NRXN3: variants seen among roughly 807,000 people sequenced by gnomAD.
The protein encoded by NRXN3 is neurexin 3.
A neutral mutation model predicts 137.6 loss-of-function variants in NRXN3; 32 were observed. The ratio of observed to expected loss-of-function variants is 0.23; its 90% CI spans 0.18 to 0.31. NRXN3 has a LOEUF of 0.31. Among genes scored for constraint, NRXN3 ranks in the 10% least tolerant of loss-of-function variants. NRXN3 has a pLI of 1.00. For missense variants in NRXN3, 1,574 were observed against 2,062.5 expected, an observed-to-expected ratio of 0.76 and a Z score of 4.59; for synonymous variants, 798 against 784.5, an observed-to-expected ratio of 1.02 and a Z score of -0.29.
intron 10 of NRXN3, among the ~76,000 whole-genome samples, chr14:78,879,270 T>C (rs2099121741): frequency 6.6e-6 from 1 of 152,204 alleles, no homozygotes; most frequent in South Asian, 2.1e-4. Flanking sequence ...TTTTAATTTT[T>C]TGAGGAACTT....
chr14:78,460,693 G>A (rs76002014), intron 4 of NRXN3, among the ~76,000 whole-genome samples: 193 of 152,324 alleles, frequency 1.3e-3, no homozygotes, highest in Non-Finnish European at 2.4e-3. Context: ...GTACACAGAT[G>A]AAGTATAATG....
intron 15 of NRXN3, among the ~76,000 whole-genome samples, chr14:79,353,369 G>A (rs1021857624): frequency 6.6e-6 from 1 of 151,786 alleles, no homozygotes; most frequent in Non-Finnish European, 1.5e-5. Flanking sequence ...ATGTATTAAG[G>A]GGAAGATATA....
chr14:79,746,635 T>C (rs2098980531), intron 19 of NRXN3, among the ~76,000 whole-genome samples: 1 of 152,162 alleles, frequency 6.6e-6, no homozygotes, highest in South Asian at 2.1e-4. Flanking sequence ...TTACTTTTCT[T>C]GCCTTATTCC....
At chr14:79,542,891 GA>G (rs5809941) in intron 16 of NRXN3, among the ~76,000 whole-genome samples, 87,733 of 148,290 alleles carry the variant, frequency 0.59, 28,337 homozygotes, top group Non-Finnish European at 0.72. Flanking sequence ...GGTGTGGCAA[GA>G]AAAAAAAAAA....
chr14:79,194,984 T>G (rs8011958), intron 15 of NRXN3, among the ~76,000 whole-genome samples: 42,038 of 152,062 alleles, frequency 0.28, 6,130 homozygotes, highest in Non-Finnish European at 0.33. Context: ...TGATATTTCT[T>G]CTCTGTTTTC....
intron 15 of NRXN3, among the ~76,000 whole-genome samples, chr14:79,232,261 C>CGT (rs372668876): frequency 3.6e-4 from 55 of 151,222 alleles, no homozygotes; most frequent in Admixed American, 1.1e-3. Flanking sequence ...TGCGCGCGCA[C>CGT]GTGTGTGTGT....
At chr14:78,574,006 C>T (rs990989971) in intron 4 of NRXN3, among the ~76,000 whole-genome samples, 30 of 152,338 alleles carry the variant, frequency 2.0e-4, no homozygotes, top group South Asian at 4.1e-4. Flanking sequence ...TGGTGCTCTG[C>T]ATCCCAGCTG....
At chr14:79,705,552 A>G (rs1255693961) in intron 19 of NRXN3, among the ~76,000 whole-genome samples, 1 of 151,336 alleles carries the variant, frequency 6.6e-6, no homozygotes, top group African/African-American at 2.5e-5. Context: ...ACAAAGTTTT[A>G]GCAAACCCCC....
chr14:79,706,439 T>TG (rs1356656111), intron 19 of NRXN3, among the ~76,000 whole-genome samples: 1 of 146,272 alleles, frequency 6.8e-6, no homozygotes, highest in African/African-American at 2.6e-5. Context: ...TTTTTTTTTT[T>TG]GGTCTGTTGA....
intron 4 of NRXN3, among the ~76,000 whole-genome samples, chr14:78,320,417 G>A (rs1169361249): frequency 6.6e-6 from 1 of 152,136 alleles, no homozygotes; most frequent in Admixed American, 6.5e-5. Context: ...GGAGCCTCTG[G>A]GTCGGGCTTG....
At chr14:78,960,161 C>T (rs1217979189) in intron 11 of NRXN3, among the ~76,000 whole-genome samples, 1 of 152,096 alleles carries the variant, frequency 6.6e-6, no homozygotes, top group African/African-American at 2.4e-5. Context: ...CATTTTCAGA[C>T]GTGTCCCCCC....
chr14:79,608,920 T>C (rs2098061440), intron 16 of NRXN3, among the ~76,000 whole-genome samples: 1 of 151,998 alleles, frequency 6.6e-6, no homozygotes, highest in South Asian at 2.1e-4. Flanking sequence ...CTAAGACCCA[T>C]ATGCTTCAAA....
chr14:79,090,661 A>T (rs2048989520), intron 15 of NRXN3, among the ~76,000 whole-genome samples: 1 of 152,038 alleles, frequency 6.6e-6, no homozygotes, highest in Admixed American at 6.6e-5. Context: ...CTTCATTCCC[A>T]GCCATCCACC....
At chr14:78,540,454 CT>C (rs2096578607) in intron 4 of NRXN3, among the ~76,000 whole-genome samples, 1 of 55,602 alleles carries the variant, frequency 1.8e-5, no homozygotes, top group African/African-American at 6.2e-5. Flanking sequence ...TTTTTTTTTG[CT>C]TTCCATTTGC....
chr14:78,661,358 C>T (rs557964973), intron 6 of NRXN3, among the ~76,000 whole-genome samples: 13 of 152,274 alleles, frequency 8.5e-5, no homozygotes, highest in African/African-American at 2.9e-4. Flanking sequence ...TTTGAAGACA[C>T]ATTTTGTGAT....
At position 78,846,178 on chromosome 14, in the gene NRXN3, C is replaced by A. The variant is rs138650186; in HGVS notation, c.2275+35834C>A. ...ATCACATCCAAAATGGCAAAAAGAACCCAAAGCTAACATGATTTTAGATGT... is the reference window on the plus strand; with the variant it reads ...ATCACATCCAAAATGGCAAAAAGAAACCAAAGCTAACATGATTTTAGATGT... On this transcript the variant is annotated intron_variant, in intron 10 of 20. Transcript: ENST00000335750. Among the ~76,000 whole-genome samples the A allele has an allele frequency of 1.2e-4, 18 of 152,142 alleles. No individual in the cohort carries two copies. The East Asian group carries it at 3.5e-3, about 29-fold the overall frequency.
At chr14:79,387,832 T>A (rs1289594466) in intron 15 of NRXN3, among the ~76,000 whole-genome samples, 1 of 151,540 alleles carries the variant, frequency 6.6e-6, no homozygotes, top group Non-Finnish European at 1.5e-5. Flanking sequence ...GAAACCATCA[T>A]TCTCAGCAAA....
intron 7 of NRXN3, 150 bp downstream of exon 7, chr14:78,709,805 T>G (rs1178897594): frequency 1.4e-6 from 1 of 700,134 alleles, no homozygotes; most frequent in Non-Finnish European, 2.3e-6. Context: ...ATTATGTTTC[T>G]GAAAAGATAC....
intron 4 of NRXN3, among the ~76,000 whole-genome samples, chr14:78,591,480 C>T (rs1400695130): frequency 1.3e-5 from 2 of 152,000 alleles, no homozygotes; most frequent in Non-Finnish European, 1.5e-5. Flanking sequence ...CCAGCTCAGC[C>T]CTGTGTGTGG....
Sources: gnomAD v4.1 joint callset for allele counts (sites outside exome capture counted in the v4.1 genomes callset) on GRCh38, gnomAD v4.1.1 for gene constraint, MANE v1.5 for transcripts, NCBI Gene and HGNC (gene_info 2026-07-23, HGNC 2026-07-21) for gene names.